GNA14: variants seen among roughly 807,000 people sequenced by gnomAD.
GNA14 encodes guanine nucleotide-binding protein subunit alpha-14.
Under a neutral mutation model 42.0 loss-of-function variants are expected in GNA14, and 50 were observed. The observed-to-expected ratio is 1.19, with a 90% CI of 0.95 to 1.51. GNA14 has a LOEUF of 1.51. GNA14 is among the 40% of genes most tolerant of loss of function. The pLI is 0.00. For synonymous variants in GNA14, 173 were observed against 163.1 expected (o/e 1.06, Z -0.46); for missense variants, 473 against 446.2 (o/e 1.06, Z -0.54).
intron 2 of GNA14, among the ~76,000 whole-genome samples, chr9:77,494,596 C>T (rs1327176649): frequency 6.6e-6 from 1 of 152,226 alleles, no homozygotes; most frequent in African/African-American, 2.4e-5. Flanking sequence ...CATATTTGGC[C>T]ATTTTATATT....
At chr9:77,456,744 C>T (rs578184012) in intron 2 of GNA14, among the ~76,000 whole-genome samples, 17 of 152,210 alleles carry the variant, frequency 1.1e-4, no homozygotes, top group Admixed American at 3.3e-4. Context: ...CATTCTTTAA[C>T]CCTACTCCAA....
At chr9:77,545,665 T>A (rs1292106106) in intron 1 of GNA14, among the ~76,000 whole-genome samples, 1 of 152,194 alleles carries the variant, frequency 6.6e-6, no homozygotes, top group Non-Finnish European at 1.5e-5. Flanking sequence ...TCTATCCCTG[T>A]AGACCTGCTG....
chr9:77,523,491 C>T (rs928954127), intron 2 of GNA14, among the ~76,000 whole-genome samples: 2 of 152,164 alleles, frequency 1.3e-5, no homozygotes, highest in African/African-American at 4.8e-5. Flanking sequence ...AGAAACCACC[C>T]TCAGGATCCA....
At chr9:77,513,916 C>A (rs917947232) in intron 2 of GNA14, among the ~76,000 whole-genome samples, 1 of 151,718 alleles carries the variant, frequency 6.6e-6, no homozygotes, top group Non-Finnish European at 1.5e-5. Flanking sequence ...TATTGAATAT[C>A]TCTCCTAGTT....
intron 1 of GNA14, among the ~76,000 whole-genome samples, chr9:77,555,774 G>C (rs1454037237): frequency 6.6e-6 from 1 of 152,186 alleles, no homozygotes; most frequent in Non-Finnish European, 1.5e-5. Context: ...CCAAATGCCT[G>C]AACAAAATGT....
intron 2 of GNA14, among the ~76,000 whole-genome samples, chr9:77,495,358 A>AGTTT (rs1267721151): frequency 6.6e-6 from 1 of 151,956 alleles, no homozygotes; most frequent in East Asian, 1.9e-4. Context: ...TGGTGCTGGG[A>AGTTT]GTTTCTTCTT....
Position 77,648,023 on chromosome 9 carries a change from C to T in GNA14, c.-230G>A, listed in dbSNP as rs1824389284. 1 of 540,764 alleles carries T rather than the reference C, an allele frequency of 1.8e-6. No individual in the cohort carries two copies. The highest frequency in any genetic ancestry group is 3.7e-5 in the Admixed American group (1 of 27,002). The allele number at this position is 540,764 out of a possible 1,614,324, so 33.5% of individuals were successfully genotyped here. On this transcript the variant is annotated 5_prime_UTR_variant, in exon 1 of 7. Transcript: ENST00000341700. ...AGCGCTGGGAACGCTCGAGTGCACC[C>T]CGGATCCGGGCTCAGCCCGCCCCAC...
chr9:77,615,558 A>G (rs1424430933), intron 1 of GNA14, among the ~76,000 whole-genome samples: 4 of 152,068 alleles, frequency 2.6e-5, no homozygotes, highest in African/African-American at 9.7e-5. Context: ...CCTCCATCAG[A>G]GCAGAATGAC....
intron 2 of GNA14, among the ~76,000 whole-genome samples, chr9:77,505,866 G>A (rs1190434358): frequency 6.6e-6 from 1 of 151,792 alleles, no homozygotes; most frequent in Non-Finnish European, 1.5e-5. Context: ...CCTTTTTTTG[G>A]TTGGCAGGGG....
chr9:77,507,931 T>C (rs1257395451), intron 2 of GNA14, among the ~76,000 whole-genome samples: 1 of 152,210 alleles, frequency 6.6e-6, no homozygotes, highest in African/African-American at 2.4e-5. Context: ...TTGGCCAGGC[T>C]GGTCTCAAAC....
At chr9:77,487,829 T>C (rs1000905335) in intron 2 of GNA14, among the ~76,000 whole-genome samples, 2 of 152,204 alleles carry the variant, frequency 1.3e-5, no homozygotes, top group Non-Finnish European at 2.9e-5. Flanking sequence ...AGTCTCTTTT[T>C]AGAGTTTCAG....
At chr9:77,576,052 T>C (rs1823123839) in intron 1 of GNA14, among the ~76,000 whole-genome samples, 1 of 152,238 alleles carries the variant, frequency 6.6e-6, no homozygotes, top group Non-Finnish European at 1.5e-5. Context: ...GCATTTATTA[T>C]TGTTTATAAT....
intron 1 of GNA14, among the ~76,000 whole-genome samples, chr9:77,530,409 G>A (rs888162832): frequency 2.2e-4 from 33 of 152,174 alleles, no homozygotes; most frequent in Non-Finnish European, 5.9e-5. Flanking sequence ...AAGCCGAGCA[G>A]ATGTCAGCAT....
At chr9:77,581,000 A>AGG (rs1262261499) in intron 1 of GNA14, among the ~76,000 whole-genome samples, 11 of 120,384 alleles carry the variant, frequency 9.1e-5, no homozygotes, top group Non-Finnish European at 1.4e-4. Context: ...GATACAATAA[A>AGG]GGCACACACA....
intron 1 of GNA14, among the ~76,000 whole-genome samples, chr9:77,556,378 G>T (rs900138308): frequency 6.6e-6 from 1 of 152,108 alleles, no homozygotes; most frequent in Non-Finnish European, 1.5e-5. Context: ...AGATCATGAG[G>T]GAAAAAGAGG....
At chr9:77,641,120 GGAAGGAAGGAAGGAAGGA>G (rs1824260000) in intron 1 of GNA14, among the ~76,000 whole-genome samples, 1 of 39,000 alleles carries the variant, frequency 2.6e-5, no homozygotes, top group Non-Finnish European at 4.6e-5. Flanking sequence ...AAGGAAGGAA[GGAAGGAAGGAAGGAAGGA>G]AGGAAGGAAG....
chr9:77,504,299 A>G lies in GNA14; in HGVS notation c.309+24770T>C, dbSNP rs534667751. ...CCTTAAATATTTGATCTCTTGCTTGAGACTATACAAACCAGATCTTCATTT... is the reference window on the plus strand; with the variant it reads ...CCTTAAATATTTGATCTCTTGCTTGGGACTATACAAACCAGATCTTCATTT... On this transcript the variant is annotated intron_variant, in intron 2 of 6. Transcript: ENST00000341700. Among the ~76,000 whole-genome samples, 6 of 152,224 alleles carry G rather than the reference A, an allele frequency of 3.9e-5. No homozygotes were observed. In the East Asian group the frequency reaches 1.2e-3, roughly 29 times the overall value.
chr9:77,521,883 G>T (rs1162767071), intron 2 of GNA14, among the ~76,000 whole-genome samples: 1 of 151,876 alleles, frequency 6.6e-6, no homozygotes, highest in Non-Finnish European at 1.5e-5. Context: ...CCCAGGCTGG[G>T]GTGCAATGGC....
intron 2 of GNA14, among the ~76,000 whole-genome samples, chr9:77,435,368 AT>A (rs1227006002): frequency 4.6e-5 from 7 of 151,996 alleles, no homozygotes; most frequent in Non-Finnish European, 4.4e-5. Flanking sequence ...AAAAAAAAAA[AT>A]ATATTAATAA....
Sources: allele counts gnomAD v4.1 joint callset (sites outside exome capture counted in the v4.1 genomes callset), GRCh38; gene constraint gnomAD v4.1.1; transcripts MANE v1.5; gene names NCBI Gene and HGNC (gene_info 2026-07-23, HGNC 2026-07-21).